Variants in FMR1 observed in about 807,000 individuals in gnomAD.
The protein encoded by FMR1 is fragile X messenger ribonucleoprotein 1, also known as FMRP translational regulator 1.
A neutral mutation model predicts 50.6 loss-of-function variants in FMR1; 13 were observed. The ratio of observed to expected loss-of-function variants is 0.26; its 90% CI spans 0.17 to 0.41. The LOEUF (loss-of-function observed/expected upper bound fraction) is 0.41, where lower values mean the gene tolerates loss of function less well. Among genes scored for constraint, FMR1 ranks in the 10% least tolerant of loss-of-function variants. FMR1 has a pLI of 1.00. For synonymous variants in FMR1, 138 were observed against 164.1 expected (o/e 0.84, Z 1.22); for missense variants, 316 against 491.3 (o/e 0.64, Z 3.37).
intron 7 of FMR1, among the ~76,000 whole-genome samples, chrX:147,931,735 A>G (rs186264152): frequency 1.1e-4 from 12 of 112,042 alleles, no homozygotes. Context: ...TGCTCATCAT[A>G]ATTGTGGATC....
Position 147,945,041 on chromosome X carries a change from A to C in FMR1, c.1644A>C (p.Gly548=), listed in dbSNP as rs371495007. The C allele has an allele frequency of 4.3e-6, 5 of 1,175,376 alleles. No homozygotes were observed. The African/African-American group carries it at 5.4e-5, about 13-fold the overall frequency. Residue 548 remains glycine, a synonymous_variant, in exon 15 of 17, where the codon GGA becomes GGC. Transcript: ENST00000370475. ...GACAAGGAGGAAGAGGACGTGGAGGAGGCTTCAAAGGTATGGAGATCTTCA... is the reference window on the plus strand; with the variant it reads ...GACAAGGAGGAAGAGGACGTGGAGGCGGCTTCAAAGGTATGGAGATCTTCA... The part of the protein sequence containing the change: ...GRGQGGRGRG[G]GFKGNDDHSR...
At chrX:147,948,173 A>G (rs940024265) in intron 16 of FMR1, among the ~76,000 whole-genome samples, 3 of 112,432 alleles carry the variant, frequency 2.7e-5, no homozygotes, top group African/African-American at 9.7e-5. Flanking sequence ...CTCTCAGTAT[A>G]GAGAAACTTG....
chrX:147,947,904 A>T (rs1186255520), intron 16 of FMR1, among the ~76,000 whole-genome samples: 29 of 112,083 alleles, frequency 2.6e-4, no homozygotes, highest in Non-Finnish European at 1.9e-5. Context: ...TTTCATTTGT[A>T]CCTCTGGAAT....
chrX:147,913,064 C>T (rs1208739684), intron 1 of FMR1: 1 of 190,488 alleles, frequency 5.2e-6, no homozygotes, highest in African/African-American at 3.0e-5. Context: ...TAAATATATG[C>T]CATGAAACTT....
intron 2 of FMR1, 89 bp from the exon 3 acceptor site, chrX:147,925,451 G>T (rs1557177351): frequency 2.4e-5 from 17 of 712,581 alleles, no homozygotes; most frequent in Non-Finnish European, 2.3e-6. Flanking sequence ...AGAGGGGTCA[G>T]CCTTAACCAA....
intron 9 of FMR1, chrX:147,933,483 C>T (rs2043679353): frequency 4.2e-6 from 4 of 958,416 alleles, no homozygotes; most frequent in Admixed American, 1.2e-4. Flanking sequence ...GGACTTTCTG[C>T]AAAGTCAATA....
rs1266260007 is a variant in FMR1, at chrX:147,911,976, G to A, written c.-204G>A. 1 of 109,164 alleles carries A rather than the reference G, an allele frequency of 9.2e-6. No homozygotes were observed. The highest frequency in any genetic ancestry group is 1.9e-5 in the Non-Finnish European group (1 of 51,858). The allele number at this position is 109,164 out of a possible 1,213,427, so 9.0% of individuals were successfully genotyped here. On this transcript the variant is annotated 5_prime_UTR_variant, in exon 1 of 17. Transcript: ENST00000370475. ...ACTTCCGGTGGAGGGCCGCCTCTGA[G>A]CGGGCGGCGGGCCGACGGCGAGCGC... is the stretch of plus-strand genomic sequence containing the variant.
Position 147,928,304 on chromosome X carries a change from G to A in FMR1, c.199-18G>A, listed in dbSNP as rs1395757491. The A allele has an allele frequency of 2.6e-6, 3 of 1,170,667 alleles. No individual in the cohort carries two copies. Among genetic ancestry groups the A allele is most frequent in the Non-Finnish European group, 3.5e-6 (3 of 859,010 alleles). Reference sequence around the variant, plus strand: ...TTATGTTAATCATGAAATATTCTGTGTTGTAATTTTTGTGTAGGTGTATTC... The same window carrying A: ...TTATGTTAATCATGAAATATTCTGTATTGTAATTTTTGTGTAGGTGTATTC... On this transcript the variant is annotated intron_variant, in intron 3 of 16. Coordinates refer to ENST00000370475, the MANE Select transcript of FMR1 (RefSeq NM_002024.6).
intron 16 of FMR1, chrX:147,947,080 A>C (rs2044191648): frequency 8.9e-6 from 1 of 112,088 alleles, no homozygotes; most frequent in Non-Finnish European, 1.9e-5. Context: ...GGAATACTGA[A>C]TTTAAAAGGT....
At chrX:147,932,389 A>G in intron 7 of FMR1, 36 bp from the exon 8 acceptor site, 1 of 1,182,192 alleles carries the variant, frequency 8.5e-7, no homozygotes. Flanking sequence ...GTAATAGTTG[A>G]TAAAGTGTAT....
Position 147,940,638 on chromosome X carries a change from G to A in FMR1, c.1251G>A (p.Leu417=). 8.4e-7 allele frequency: 1 copy of A among 1,190,919 alleles called. No individual in the cohort carries two copies. The highest frequency in any genetic ancestry group is 1.1e-6 in the Non-Finnish European group (1 of 876,941). Residue 417 remains leucine, a synonymous_variant, in exon 13 of 17, where the codon TTG becomes TTA. Coordinates refer to ENST00000370475, the MANE Select transcript of FMR1 (RefSeq NM_002024.6). ...KDSIANATVL[L]DYHLNYLKEV... ...GCATCGCTAATGCCACTGTTCTTTT[G>A]GATTATCACCTGAACTATTTAAAGG... is the stretch of plus-strand genomic sequence containing the variant.
At position 147,949,385 on chromosome X, in the gene FMR1, T is replaced by C. The variant is rs1230407125; in HGVS notation, c.*541T>C. ...TTCATTAGCAAAAAAAGTTGTATGA[T>C]CTGTGCCTTTTTTATATCTTGGCAG... On this transcript the variant is annotated 3_prime_UTR_variant, in exon 17 of 17. Transcript: ENST00000370475. 4 of 327,625 alleles carry C rather than the reference T, an allele frequency of 1.2e-5. No homozygotes were observed. Among genetic ancestry groups the C allele is most frequent in the African/African-American group, 2.7e-5 (1 of 37,527 alleles). 27.0% of individuals were successfully genotyped at this position (327,625 alleles called of 1,213,427 possible).
In FMR1 at chrX:147,950,590, T is replaced by G. The variant is rs1557183457; in HGVS notation, c.*1746T>G. The stretch of plus-strand genomic sequence containing the variant: ...ACATTTGTTTGGTTATAGTGCAATA[T>G]ATTTTGTATGCAAGCAGTTTCAATA... On this transcript the variant is annotated 3_prime_UTR_variant, in exon 17 of 17. Coordinates refer to ENST00000370475, the MANE Select transcript of FMR1 (RefSeq NM_002024.6). 1 of 329,902 alleles carries G rather than the reference T, an allele frequency of 3.0e-6. No individual in the cohort carries two copies. Among genetic ancestry groups the G allele is most frequent in the Non-Finnish European group, 5.9e-6 (1 of 169,938 alleles). 27.2% of individuals were successfully genotyped at this position (329,902 alleles called of 1,213,427 possible).
chrX:147,923,920 T>C (rs1287147212), intron 2 of FMR1, among the ~76,000 whole-genome samples: 1 of 111,969 alleles, frequency 8.9e-6, no homozygotes, highest in Non-Finnish European at 1.9e-5. Context: ...AACACCAGAT[T>C]GTATTTACCC....
At chrX:147,914,454 G>A (rs1435341514) in intron 1 of FMR1, 1 of 112,111 alleles carries the variant, frequency 8.9e-6, no homozygotes, top group African/African-American at 3.2e-5. Context: ...AAAATGAACT[G>A]CTGTGGAGAA....
chrX:147,949,771 A>G lies in FMR1; in HGVS notation c.*927A>G, dbSNP rs2044277404. The G allele has an allele frequency of 3.1e-6, 1 of 324,928 alleles. No homozygotes were observed. The highest frequency in any genetic ancestry group is 2.6e-5 in the South Asian group (1 of 37,803). The allele number at this position is 324,928 out of a possible 1,213,427, so 26.8% of individuals were successfully genotyped here. A position where few individuals can be genotyped will look rare whatever the true frequency, so the allele number is the denominator to read the frequency against. On this transcript the variant is annotated 3_prime_UTR_variant, in exon 17 of 17. Coordinates refer to ENST00000370475, the MANE Select transcript of FMR1 (RefSeq NM_002024.6). ...TGCCTGCTCTTTGGCCTGATGACCA[A>G]TTTTAACTTAGAGCTTTTTTTTTTT...
chrX:147,932,280 C>T, intron 7 of FMR1, 145 bp from the exon 8 acceptor site: 1 of 524,091 alleles, frequency 1.9e-6, no homozygotes, highest in South Asian at 2.9e-5. Flanking sequence ...GAGGTATTTT[C>T]TAAAACCTGT....
At chrX:147,948,261 A>G (rs2044244406) in intron 16 of FMR1, among the ~76,000 whole-genome samples, 2 of 112,670 alleles carry the variant, frequency 1.8e-5, no homozygotes, top group Non-Finnish European at 3.8e-5. Flanking sequence ...CAGAATAGGA[A>G]AACATTTTGT....
rs1557177896 is a variant in FMR1 at position 147,928,310 on chromosome X, AT to A, written c.199-7del. ...TAATCATGAAATATTCTGTGTTGTA[AT>A]TTTTGTGTAGGTGTATTCCAGAGCA... is the stretch of plus-strand genomic sequence containing the variant. On this transcript the variant is annotated splice_polypyrimidine_tract_variant and intron_variant, in intron 3 of 16. Transcript: ENST00000370475. 8.4e-7 allele frequency: 1 copy of A among 1,184,200 alleles called. No individual in the cohort carries two copies. Among genetic ancestry groups the A allele is most frequent in the South Asian group, 1.8e-5 (1 of 56,045 alleles).
Sources: gnomAD v4.1 joint callset for allele counts (sites outside exome capture counted in the v4.1 genomes callset) on GRCh38, gnomAD v4.1.1 for gene constraint, MANE v1.5 for transcripts, NCBI Gene and HGNC (gene_info 2026-07-23, HGNC 2026-07-21) for gene names.